ZFPM2: variants seen among roughly 807,000 people sequenced by gnomAD.
ZFPM2 encodes zinc finger protein, FOG family member 2.
ZFPM2 carries 20 observed loss-of-function variants against 98.6 expected under a neutral mutation model. That is an observed-to-expected ratio of 0.20 (90% CI 0.14 to 0.29). The LOEUF is 0.29. ZFPM2 is among the 10% of genes least tolerant of loss of function. ZFPM2 has a pLI of 1.00. For synonymous variants in ZFPM2, 518 were observed against 502.7 expected (o/e 1.03, Z -0.41); for missense variants, 1,310 against 1,388.6 (o/e 0.94, Z 0.90).
At chr8:105,336,847 C>A (rs892634492) in intron 1 of ZFPM2, among the ~76,000 whole-genome samples, 7 of 151,550 alleles carry the variant, frequency 4.6e-5, no homozygotes, top group Admixed American at 1.3e-4. Context: ...ACTCTGAAAT[C>A]TGTTACAGAT....
chr8:105,562,120 A>G (rs1815151318), intron 4 of ZFPM2, among the ~76,000 whole-genome samples: 1 of 151,984 alleles, frequency 6.6e-6, no homozygotes, highest in African/African-American at 2.4e-5. Context: ...AGCTTGGCCA[A>G]ACATGGCGAA....
chr8:105,752,300 C>A (rs1448439836), intron 5 of ZFPM2, among the ~76,000 whole-genome samples: 1 of 152,088 alleles, frequency 6.6e-6, no homozygotes, highest in East Asian at 1.9e-4. Context: ...CAGTAGTTTT[C>A]TAAATTTGTG....
chr8:105,330,522 TTC>T lies in ZFPM2; in HGVS notation c.40+11557_40+11558del, dbSNP rs146214596. 4.6e-3 allele frequency among the ~76,000 whole-genome samples: 542 copies of T among 117,890 alleles called. 7 individuals carry two copies. Among genetic ancestry groups the T allele is most frequent in the African/African-American group, 0.016 (444 of 28,458 alleles). 77.3% of individuals were successfully genotyped at this position (117,890 alleles called of 152,430 possible). A position where few individuals can be genotyped will look rare whatever the true frequency, so the allele number is the denominator to read the frequency against. ...ATAGATTTATATGGAACAAAACAAT[TTC>T]TCTCTCTCTCTCTCTATATATATAT... On this transcript the variant is annotated intron_variant, in intron 1 of 7. Transcript: ENST00000407775.
At position 105,686,788 on chromosome 8, in the gene ZFPM2, A is replaced by G. The variant is rs560675630; in HGVS notation, c.532+52431A>G. On this transcript the variant is annotated intron_variant, in intron 5 of 7. Coordinates refer to ENST00000407775, the MANE Select transcript of ZFPM2 (RefSeq NM_012082.4). ...TAGGTGGTCATCCTAGACAAGGCTT[A>G]GCTTTAAAGTGTTTCTACAGAAAAT... Among the ~76,000 whole-genome samples, 55 of 152,310 alleles carry G rather than the reference A, an allele frequency of 3.6e-4. 1 individual carries two copies. Among genetic ancestry groups the G allele is most frequent in the Admixed American group, 9.8e-4 (15 of 15,280 alleles).
chr8:105,493,017 T>C (rs1200680978), intron 3 of ZFPM2, among the ~76,000 whole-genome samples: 3 of 152,224 alleles, frequency 2.0e-5, no homozygotes, highest in Non-Finnish European at 4.4e-5. Flanking sequence ...CTAAGTTGAC[T>C]TGAGACCTCT....
intron 1 of ZFPM2, among the ~76,000 whole-genome samples, chr8:105,370,858 G>A (rs547103278): frequency 2.0e-5 from 3 of 152,298 alleles, no homozygotes; most frequent in South Asian, 2.1e-4. Flanking sequence ...GGATTTGAAC[G>A]CAACTTATCT....
intron 3 of ZFPM2, among the ~76,000 whole-genome samples, chr8:105,454,918 G>A (rs1236809885): frequency 6.6e-6 from 1 of 152,074 alleles, no homozygotes; most frequent in Non-Finnish European, 1.5e-5. Flanking sequence ...TTTACTCCTG[G>A]CATGATAAAA....
intron 4 of ZFPM2, among the ~76,000 whole-genome samples, chr8:105,593,783 T>C (rs1815903155): frequency 6.6e-6 from 1 of 152,108 alleles, no homozygotes; most frequent in African/African-American, 2.4e-5. Flanking sequence ...AGTTTGTAGA[T>C]TTTAATCACA....
At chr8:105,766,070 C>T (rs188718762) in intron 5 of ZFPM2, among the ~76,000 whole-genome samples, 4 of 151,832 alleles carry the variant, frequency 2.6e-5, no homozygotes, top group Admixed American at 2.0e-4. Context: ...ATCTTTATGG[C>T]CTTTATCTTC....
chr8:105,558,708 T>G (rs1312851928), intron 3 of ZFPM2, among the ~76,000 whole-genome samples: 1 of 152,160 alleles, frequency 6.6e-6, no homozygotes, highest in Non-Finnish European at 1.5e-5. Context: ...ATGAATTACT[T>G]TTTTAAAGGG....
At chr8:105,630,963 A>G (rs1168584509) in intron 4 of ZFPM2, among the ~76,000 whole-genome samples, 2 of 152,178 alleles carry the variant, frequency 1.3e-5, no homozygotes, top group Non-Finnish European at 2.9e-5. Flanking sequence ...CAGAAAAACC[A>G]GGATGGTTGT....
At chr8:105,634,497 G>A in intron 5 of ZFPM2, 140 bp downstream of exon 5, 2 of 657,638 alleles carry the variant, frequency 3.0e-6, no homozygotes, top group Non-Finnish European at 2.6e-6. Flanking sequence ...CCTCTAATGT[G>A]TATTTTCAGT....
intron 1 of ZFPM2, among the ~76,000 whole-genome samples, chr8:105,351,172 CAAA>C (rs201784746): frequency 4.2e-5 from 4 of 95,594 alleles, no homozygotes; most frequent in Non-Finnish European, 2.3e-5. Flanking sequence ...GACTCTGTCT[CAAA>C]AAAAAAAAAA....
At chr8:105,776,021 G>A (rs550504512) in intron 5 of ZFPM2, among the ~76,000 whole-genome samples, 6 of 151,296 alleles carry the variant, frequency 4.0e-5, no homozygotes, top group Non-Finnish European at 8.8e-5. Context: ...TTACTTTCCC[G>A]AAAGAGGCAT....
At chr8:105,460,713 T>C (rs1470648779) in intron 3 of ZFPM2, among the ~76,000 whole-genome samples, 1 of 152,108 alleles carries the variant, frequency 6.6e-6, no homozygotes, top group Non-Finnish European at 1.5e-5. Context: ...TTGCTTTGTC[T>C]GAGCAGTATA....
At position 105,803,487 on chromosome 8, in the gene ZFPM2, A is replaced by AACTC; in HGVS notation, c.3408_3411dup (p.Lys1138SerfsTer18). On this transcript the variant is annotated frameshift_variant, in exon 8 of 8. Coordinates refer to ENST00000407775, the MANE Select transcript of ZFPM2 (RefSeq NM_012082.4). LOFTEE classifies it high-confidence loss of function. Reference sequence around the variant, plus strand: ...AGTTCAACAACCTTTCAAACTTTATAACTCACAAGAAGTTTTATTGCTCAT... The same window carrying AACTC: ...AGTTCAACAACCTTTCAAACTTTATAACTCACTCACAAGAAGTTTTATTGCTCAT... 1 of 1,612,900 alleles carries AACTC rather than the reference A, an allele frequency of 6.2e-7. No homozygotes were observed. Among genetic ancestry groups the AACTC allele is most frequent in the Non-Finnish European group, 8.5e-7 (1 of 1,179,376 alleles).
At chr8:105,375,204 C>G (rs1042674061) in intron 1 of ZFPM2, among the ~76,000 whole-genome samples, 2 of 151,946 alleles carry the variant, frequency 1.3e-5, no homozygotes, top group Admixed American at 6.6e-5. Flanking sequence ...CTCTGAAGCC[C>G]AAATCTGAAT....
intron 3 of ZFPM2, among the ~76,000 whole-genome samples, chr8:105,508,841 AT>A (rs199626581): frequency 5.1e-5 from 7 of 138,464 alleles, no homozygotes; most frequent in African/African-American, 1.7e-4. Context: ...GGGGTTTTGG[AT>A]TTTTTTTGAA....
chr8:105,388,010 A>T (rs1433747624), intron 1 of ZFPM2: 1 of 152,268 alleles, frequency 6.6e-6, no homozygotes, highest in East Asian at 1.9e-4. Context: ...TTCCAGTCTT[A>T]GAAATATGTG....
Sources: gnomAD v4.1 joint callset for allele counts (sites outside exome capture counted in the v4.1 genomes callset) on GRCh38, gnomAD v4.1.1 for gene constraint, MANE v1.5 for transcripts, NCBI Gene and HGNC (gene_info 2026-07-23, HGNC 2026-07-21) for gene names.